SVOPL: variants seen among roughly 807,000 people sequenced by gnomAD.
SVOPL encodes the protein putative transporter SVOPL.
SVOPL carries 60 observed loss-of-function variants against 61.0 expected under a neutral mutation model. That is an observed-to-expected ratio of 0.98 (90% CI 0.80 to 1.22). The LOEUF (loss-of-function observed/expected upper bound fraction) is 1.22. Among genes scored for constraint, SVOPL ranks in the 50% most tolerant of loss-of-function variants. The pLI is 0.00. For missense variants in SVOPL, 662 were observed against 643.9 expected, an observed-to-expected ratio of 1.03 and a Z score of -0.30; for synonymous variants, 279 against 250.0, an observed-to-expected ratio of 1.12 and a Z score of -1.09.
intron 1 of SVOPL, chr7:138,688,999 AC>A: frequency 1.5e-6 from 1 of 666,598 alleles, no homozygotes; most frequent in Non-Finnish European, 2.8e-6. Context: ...TATTCACTTG[AC>A]CCAGAGAACT....
chr7:138,618,188 A>C (rs1799384586), intron 14 of SVOPL, among the ~76,000 whole-genome samples: 1 of 152,244 alleles, frequency 6.6e-6, no homozygotes, highest in African/African-American at 2.4e-5. Flanking sequence ...ATTGAGAAGT[A>C]TCCATTGGAA....
At chr7:138,692,440 TA>T (rs1446263490) in intron 1 of SVOPL, among the ~76,000 whole-genome samples, 1 of 152,076 alleles carries the variant, frequency 6.6e-6, no homozygotes, top group Non-Finnish European at 1.5e-5. Context: ...CAAACACATA[TA>T]AACGCTCCAT....
chr7:138,651,699 T>C (rs1243417454), intron 7 of SVOPL, among the ~76,000 whole-genome samples: 1 of 152,160 alleles, frequency 6.6e-6, no homozygotes, highest in Non-Finnish European at 1.5e-5. Flanking sequence ...TTTCATTGTT[T>C]GGGGGCACCG....
In SVOPL at chr7:138,679,077, TC is replaced by T; in HGVS notation, c.-33del. ...AATAGCTCAAGTTCCCCAAACAGCT[TC>T]CCTGGTGGAAGCAAGGGAGGGAAGA... On this transcript the variant is annotated splice_region_variant and 5_prime_UTR_variant, in exon 2 of 16. Transcript: ENST00000674285. 1 of 1,539,708 alleles carries T rather than the reference TC, an allele frequency of 6.5e-7. No individual in the cohort carries two copies. Among genetic ancestry groups the T allele is most frequent in the Non-Finnish European group, 8.8e-7 (1 of 1,136,818 alleles).
intron 8 of SVOPL, among the ~76,000 whole-genome samples, chr7:138,648,693 G>C (rs1300294825): frequency 2.0e-5 from 3 of 151,278 alleles, no homozygotes; most frequent in Non-Finnish European, 4.4e-5. Context: ...GGGGGACGCT[G>C]CACTCCAGCG....
intron 14 of SVOPL, among the ~76,000 whole-genome samples, chr7:138,601,070 T>C (rs1003721951): frequency 3.3e-5 from 5 of 151,638 alleles, no homozygotes; most frequent in African/African-American, 1.2e-4. Flanking sequence ...GCTAACATGG[T>C]GAAACCCTGT....
At chr7:138,594,749 G>A in intron 15 of SVOPL, 128 bp from the exon 16 acceptor site, 1 of 576,968 alleles carries the variant, frequency 1.7e-6, no homozygotes, top group South Asian at 3.7e-5. Flanking sequence ...GAAAATCCTA[G>A]CATTTACCTT....
Position 138,676,017 on chromosome 7 carries a change from G to A in SVOPL, c.174+2417C>T, listed in dbSNP as rs118064485. Among the ~76,000 whole-genome samples, 110 of 152,202 alleles carry A rather than the reference G, an allele frequency of 7.2e-4. 1 individual carries two copies. In the East Asian group the frequency reaches 0.015, roughly 21 times the overall value. ...CCACACATAGTTTTTTGTATTTTTA[G>A]TAGAAATAGGGTTTCACTATGTTGG... On this transcript the variant is annotated intron_variant, in intron 3 of 15. Transcript: ENST00000674285.
At chr7:138,658,442 T>G (rs566817208) in intron 6 of SVOPL, among the ~76,000 whole-genome samples, 12 of 138,724 alleles carry the variant, frequency 8.7e-5, no homozygotes, top group African/African-American at 3.7e-4. Flanking sequence ...TCAAAAATTT[T>G]TGTTTGTTTG....
At chr7:138,612,804 C>A (rs111278247) in intron 14 of SVOPL, among the ~76,000 whole-genome samples, 1 of 151,886 alleles carries the variant, frequency 6.6e-6, no homozygotes, top group Non-Finnish European at 1.5e-5. Flanking sequence ...CATGAGCCAC[C>A]GCGCCTGGCC....
chr7:138,659,957 T>C lies in SVOPL; in HGVS notation c.377A>G (p.Tyr126Cys), dbSNP rs558125843. Residue 126 changes from tyrosine (Y) to cysteine (C), a missense_variant, in exon 6 of 16, where the codon TAT becomes TGT. Tyr to Cys is a radical substitution (Grantham distance 194). Coordinates refer to ENST00000674285, the MANE Select transcript of SVOPL (RefSeq NM_001139456.2). ...ILLISFLWGA[Y>C]FSLLTSFAPS... ...AGCAAACGAGGTCAGCAAGGAGAAA[T>C]AGGCTCCCCACAGGAACGAGATGAG... The C allele has an allele frequency of 1.1e-5, 17 of 1,551,132 alleles. 1 individual carries two copies. In the South Asian group the frequency reaches 1.4e-4, roughly 13 times the overall value.
rs1396964192 is a variant in SVOPL at position 138,678,946 on chromosome 7, C to T, written c.82+18G>A. The T allele has an allele frequency of 6.5e-7, 1 of 1,550,134 alleles. No individual in the cohort carries two copies. Among genetic ancestry groups the T allele is most frequent in the Admixed American group, 2.0e-5 (1 of 50,860 alleles). ...TCTAAGCAGCAGGTTGAGCTGGAGA[C>T]TTCTATGATAATCTCACCTTTAACC... On this transcript the variant is annotated intron_variant, in intron 2 of 15. Coordinates refer to ENST00000674285, the MANE Select transcript of SVOPL (RefSeq NM_001139456.2).
intron 1 of SVOPL, among the ~76,000 whole-genome samples, chr7:138,691,377 AG>A (rs67550539): frequency 0.19 from 29,626 of 152,138 alleles, 3,624 homozygotes; most frequent in East Asian, 0.44. Flanking sequence ...ATGATGTCTC[AG>A]ACCCATCTAA....
intron 10 of SVOPL, 32 bp from the exon 11 acceptor site, chr7:138,628,395 C>T (rs768277354): frequency 1.8e-5 from 29 of 1,606,214 alleles, no homozygotes; most frequent in Admixed American, 1.2e-4. Flanking sequence ...CACTAGCCAA[C>T]GCTGACACCA....
intron 1 of SVOPL, among the ~76,000 whole-genome samples, chr7:138,699,650 A>G (rs953033755): frequency 6.6e-6 from 1 of 152,222 alleles, no homozygotes; most frequent in Non-Finnish European, 1.5e-5. Flanking sequence ...TGTGTTCTAC[A>G]TTGCAAAATC....
Position 138,649,147 on chromosome 7 carries a change from G to C in SVOPL, c.535-10C>G. On this transcript the variant is annotated splice_polypyrimidine_tract_variant and intron_variant, in intron 7 of 15. Transcript: ENST00000674285. ...CCGCAAGCCAGAACACCTAGGAAGA[G>C]AGAAGTCCAGGATTAAAGTTCTTTG... 1 of 1,600,218 alleles carries C rather than the reference G, an allele frequency of 6.2e-7. No individual in the cohort carries two copies.
chr7:138,599,141 C>CAAAAAAAAAAAAAA (rs71520007), intron 14 of SVOPL, among the ~76,000 whole-genome samples: 2 of 28,122 alleles, frequency 7.1e-5, no homozygotes, highest in African/African-American at 3.3e-4. Context: ...GATCCGTCTC[C>CAAAAAAAAAAAAAA]AAAAAAAAAA....
At chr7:138,667,731 T>C (rs1802304708) in intron 4 of SVOPL, among the ~76,000 whole-genome samples, 1 of 152,184 alleles carries the variant, frequency 6.6e-6, no homozygotes, top group South Asian at 2.1e-4. Flanking sequence ...CCATAGCTGG[T>C]GTTCTTGAAA....
At chr7:138,676,960 G>A (rs1802579298) in intron 3 of SVOPL, among the ~76,000 whole-genome samples, 1 of 136,948 alleles carries the variant, frequency 7.3e-6, no homozygotes, top group Admixed American at 7.9e-5. Flanking sequence ...CTGGAGTGCA[G>A]TGGCACTATC....
Sources: gnomAD v4.1 joint callset for allele counts (sites outside exome capture counted in the v4.1 genomes callset) on GRCh38, gnomAD v4.1.1 for gene constraint, MANE v1.5 for transcripts, NCBI Gene and HGNC (gene_info 2026-07-23, HGNC 2026-07-21) for gene names.